The following COLEC10 variants were observed in gnomAD, a reference collection of about 807,000 sequenced individuals.
The protein encoded by COLEC10 is collectin-10.
Under a neutral mutation model 28.4 loss-of-function variants are expected in COLEC10, and 22 were observed. The observed-to-expected ratio is 0.78, with a 90% CI of 0.55 to 1.11. The LOEUF (loss-of-function observed/expected upper bound fraction) is 1.11, where lower values mean the gene tolerates loss of function less well. Ranked by LOEUF, COLEC10 falls within the 50% of genes least tolerant of loss-of-function variation. The pLI, the probability that COLEC10 is intolerant of heterozygous loss-of-function variation, is 0.00. For synonymous variants in COLEC10, 125 were observed against 116.1 expected (o/e 1.08, Z -0.49); for missense variants, 361 against 344.1 (o/e 1.05, Z -0.39).
chr8:119,044,044 C>T (rs1394315888), intron 2 of COLEC10, among the ~76,000 whole-genome samples: 1 of 152,210 alleles, frequency 6.6e-6, no homozygotes, highest in Non-Finnish European at 1.5e-5. Flanking sequence ...GTACAGGGAA[C>T]ATATTTACCA....
chr8:118,973,648 A>G, the COLEC10 span, among the ~76,000 whole-genome samples: 1 of 151,994 alleles, frequency 6.6e-6, no homozygotes, highest in Non-Finnish European at 1.5e-5. Flanking sequence ...TTTATTGGTT[A>G]TAAGCAAGTC....
chr8:119,029,513 C>A (rs1159081476), intron 2 of COLEC10, among the ~76,000 whole-genome samples: 3 of 152,106 alleles, frequency 2.0e-5, no homozygotes, highest in Non-Finnish European at 4.4e-5. Flanking sequence ...CACACACACA[C>A]AAAACAATAA....
intron 2 of COLEC10, among the ~76,000 whole-genome samples, chr8:119,040,345 T>C (rs936143515): frequency 5.3e-5 from 8 of 152,230 alleles, no homozygotes; most frequent in Non-Finnish European, 2.9e-5. Context: ...AGAGGAGACA[T>C]TCTTGAGAGA....
At chr8:119,078,874 T>G (rs1815307665) in intron 1 of COLEC10, among the ~76,000 whole-genome samples, 1 of 152,154 alleles carries the variant, frequency 6.6e-6, no homozygotes, top group South Asian at 2.1e-4. Context: ...TCTCCTTAAA[T>G]TTGTTTCTAA....
At chr8:119,068,542 C>T (rs1049210914) in intron 1 of COLEC10, 3 of 152,106 alleles carry the variant, frequency 2.0e-5, no homozygotes, top group African/African-American at 7.2e-5. Context: ...GTATAGGAAA[C>T]TTTAGATTAT....
chr8:119,042,403 A>AATTTATTT (rs10568806), intron 2 of COLEC10, among the ~76,000 whole-genome samples: 5 of 150,646 alleles, frequency 3.3e-5, no homozygotes, highest in African/African-American at 7.3e-5. Flanking sequence ...TATTTAACTT[A>AATTTATTT]ATTTATTTAT....
chr8:119,076,202 C>T (rs1161391502), intron 1 of COLEC10, among the ~76,000 whole-genome samples: 2 of 150,468 alleles, frequency 1.3e-5, no homozygotes, highest in South Asian at 2.1e-4. Context: ...TGAGCCACCA[C>T]ATCCAGCCAA....
At chr8:119,086,560 G>C (rs979987496) in intron 1 of COLEC10, among the ~76,000 whole-genome samples, 1 of 152,066 alleles carries the variant, frequency 6.6e-6, no homozygotes, top group African/African-American at 2.4e-5. Context: ...CAGTCACATG[G>C]GTTGAAGGAT....
intron 3 of COLEC10, among the ~76,000 whole-genome samples, chr8:119,096,585 C>T (rs770437722): frequency 6.6e-6 from 1 of 151,794 alleles, no homozygotes; most frequent in African/African-American, 2.4e-5. Context: ...AGTGAGACTG[C>T]ATCTCAAAAA....
chr8:118,993,727 G>A (rs569116989), upstream of COLEC10, among the ~76,000 whole-genome samples: 3 of 152,148 alleles, frequency 2.0e-5, no homozygotes, highest in South Asian at 6.2e-4. Context: ...ATTAAATGAG[G>A]GCGCATGTTA....
chr8:118,971,563 T>A, the COLEC10 span, among the ~76,000 whole-genome samples: 1 of 152,018 alleles, frequency 6.6e-6, no homozygotes, highest in African/African-American at 2.4e-5. Context: ...AGGTAATGGC[T>A]GTTTATATCC....
chr8:118,978,375 A>C, the COLEC10 span, among the ~76,000 whole-genome samples: 1 of 152,072 alleles, frequency 6.6e-6, no homozygotes, highest in Non-Finnish European at 1.5e-5. Flanking sequence ...CCCAAATATC[A>C]AACTCAAAAA....
rs932386640 is a variant in COLEC10 at position 119,013,361 on chromosome 8, A to G, written n.235+3808A>G. Among the ~76,000 whole-genome samples the G allele has an allele frequency of 1.5e-4, 22 of 150,482 alleles. 2 individuals carry two copies. Among genetic ancestry groups the G allele is most frequent in the African/African-American group, 5.2e-4 (21 of 40,180 alleles). On this transcript the variant is annotated intron_variant and non_coding_transcript_variant, in intron 2 of 6. Coordinates refer to the COLEC10 transcript ENST00000521788. ...GATTTCTGCTCTTTAAATGTGGTAAAGTGTATTTTATGGCACAGAATGAAG... is the reference window on the plus strand; with the variant it reads ...GATTTCTGCTCTTTAAATGTGGTAAGGTGTATTTTATGGCACAGAATGAAG...
intron 2 of COLEC10, among the ~76,000 whole-genome samples, chr8:119,047,925 A>G (rs981265337): frequency 6.6e-6 from 1 of 152,222 alleles, no homozygotes; most frequent in South Asian, 2.1e-4. Flanking sequence ...TTGGGTACTC[A>G]ATCATCAAAG....
intron 2 of COLEC10, among the ~76,000 whole-genome samples, chr8:119,013,600 G>T (rs1396667256): frequency 6.6e-6 from 1 of 150,652 alleles, no homozygotes; most frequent in African/African-American, 2.5e-5. Flanking sequence ...CATAACAGTG[G>T]ATTAATCAAT....
chr8:118,973,512 C>A, the COLEC10 span, among the ~76,000 whole-genome samples: 1 of 151,970 alleles, frequency 6.6e-6, no homozygotes. Context: ...GTACATTTCT[C>A]CACTGTGGCT....
At chr8:119,093,266 C>T (rs961669660) in intron 3 of COLEC10, among the ~76,000 whole-genome samples, 1 of 152,186 alleles carries the variant, frequency 6.6e-6, no homozygotes, top group Admixed American at 6.5e-5. Context: ...CTCTTCTCAT[C>T]CTGTGGCTCA....
chr8:119,008,204 T>C (rs1444023357), intron 1 of COLEC10, among the ~76,000 whole-genome samples: 1 of 150,876 alleles, frequency 6.6e-6, no homozygotes, highest in Non-Finnish European at 1.5e-5. Context: ...CTGAGAACTT[T>C]CTGTAAAGAC....
chr8:119,006,559 G>T (rs773015425), intron 1 of COLEC10, among the ~76,000 whole-genome samples: 1 of 151,990 alleles, frequency 6.6e-6, no homozygotes, highest in East Asian at 1.9e-4. Context: ...CTGACACATG[G>T]TATGGTCCCA....
Sources: gnomAD v4.1 joint callset for allele counts (sites outside exome capture counted in the v4.1 genomes callset) on GRCh38, gnomAD v4.1.1 for gene constraint, MANE v1.5 for transcripts, NCBI Gene and HGNC (gene_info 2026-07-23, HGNC 2026-07-21) for gene names.